CACNA2D3: variants seen among roughly 807,000 people sequenced by gnomAD.
CACNA2D3 encodes the protein calcium voltage-gated channel auxiliary subunit alpha2delta 3.
A neutral mutation model predicts 160.6 loss-of-function variants in CACNA2D3; 60 were observed. The ratio of observed to expected loss-of-function variants is 0.37; its 90% CI spans 0.30 to 0.46. The LOEUF is 0.46. Ranked by LOEUF, CACNA2D3 falls within the 20% of genes least tolerant of loss-of-function variation. The pLI, the probability that CACNA2D3 is intolerant of heterozygous loss-of-function variation, is 1.00. For missense variants in CACNA2D3, 1,205 were observed against 1,365.0 expected (o/e 0.88, Z 1.85); for synonymous variants, 558 against 492.9 (o/e 1.13, Z -1.75).
At chr3:54,175,476 G>A (rs1234917415) in intron 2 of CACNA2D3, among the ~76,000 whole-genome samples, 1 of 152,014 alleles carries the variant, frequency 6.6e-6, no homozygotes, top group African/African-American at 2.4e-5. Context: ...AGCTGGGCAT[G>A]GTGGCGGGCG....
At chr3:54,662,589 T>C (rs1222244789) in intron 11 of CACNA2D3, among the ~76,000 whole-genome samples, 6 of 152,278 alleles carry the variant, frequency 3.9e-5, no homozygotes, top group Non-Finnish European at 8.8e-5. Context: ...ACCTTCTCCA[T>C]ATCCAAGCCC....
chr3:54,810,747 G>T (rs979506076), intron 13 of CACNA2D3, among the ~76,000 whole-genome samples: 10 of 152,114 alleles, frequency 6.6e-5, no homozygotes, highest in Non-Finnish European at 2.9e-5. Flanking sequence ...TTGAAAAAGG[G>T]TCCACTCAAG....
Position 54,918,357 on chromosome 3 carries a change from TCTTTTGGC to T in CACNA2D3, c.2449+18490_2449+18497del. On this transcript the variant is annotated intron_variant, in intron 27 of 37. Coordinates refer to ENST00000474759, the MANE Select transcript of CACNA2D3 (RefSeq NM_018398.3). The stretch of plus-strand genomic sequence containing the variant: ...CTTTTTTTTTTTTTTTTTTTTTTTG[TCTTTTGGC>T]AAAAGCAAAATCAGACTAACAGGAA... 4 of 412,602 alleles carry T rather than the reference TCTTTTGGC, an allele frequency of 9.7e-6. No individual in the cohort carries two copies. The South Asian group carries it at 2.8e-4, about 29-fold the overall frequency. 25.6% of individuals were successfully genotyped at this position (412,602 alleles called of 1,614,324 possible). A position where few individuals can be genotyped will look rare whatever the true frequency, so the allele number is the denominator to read the frequency against.
chr3:54,695,370 GT>G (rs200425063), intron 11 of CACNA2D3, among the ~76,000 whole-genome samples: 56 of 146,244 alleles, frequency 3.8e-4, no homozygotes, highest in African/African-American at 1.2e-3. Flanking sequence ...TTCAAGTTTA[GT>G]TTTTTTTTTC....
At chr3:54,946,152 C>G (rs193177734) in intron 27 of CACNA2D3, among the ~76,000 whole-genome samples, 1 of 152,302 alleles carries the variant, frequency 6.6e-6, no homozygotes, top group East Asian at 1.9e-4. Flanking sequence ...TGGAATTCCA[C>G]CTCAGTGTCT....
chr3:54,279,341 G>C (rs1440677070), intron 2 of CACNA2D3, among the ~76,000 whole-genome samples: 1 of 152,194 alleles, frequency 6.6e-6, no homozygotes, highest in East Asian at 1.9e-4. Context: ...CCTTCACTGT[G>C]TGTGTGGGAG....
rs190710458 is a variant in CACNA2D3 at position 54,850,430 on chromosome 3, A to G, written c.1626+3963A>G. On this transcript the variant is annotated intron_variant, in intron 17 of 37. Transcript: ENST00000474759. Reference sequence around the variant, plus strand: ...TTGTTTGATCGTTACCACTTGTTAAACATTGAAGTATAGCTACAGACTAGA... The same window carrying G: ...TTGTTTGATCGTTACCACTTGTTAAGCATTGAAGTATAGCTACAGACTAGA... Among the ~76,000 whole-genome samples, 27 of 152,314 alleles carry G rather than the reference A, an allele frequency of 1.8e-4. 1 individual carries two copies. The highest frequency in any genetic ancestry group is 4.8e-4 in the African/African-American group (20 of 41,566).
chr3:54,851,540 G>C (rs951958327), intron 17 of CACNA2D3, among the ~76,000 whole-genome samples: 4 of 152,196 alleles, frequency 2.6e-5, no homozygotes, highest in Non-Finnish European at 5.9e-5. Context: ...GAAATGGGAG[G>C]CAGAGTGGTT....
In CACNA2D3 at chr3:54,502,122, A is replaced by G. The variant is rs149341072; in HGVS notation, c.382-1370A>G. Among the ~76,000 whole-genome samples the G allele has an allele frequency of 3.7e-3, 562 of 151,862 alleles. 5 individuals are homozygous for G. The highest frequency in any genetic ancestry group is 6.8e-3 in the Middle Eastern group (2 of 292). On this transcript the variant is annotated intron_variant, in intron 4 of 37. Transcript: ENST00000474759. ...ATATGTGTAGATGTAAATCTTCGTAATATTCATTGTGTTCAGTGTTCTCTC... is the reference window on the plus strand; with the variant it reads ...ATATGTGTAGATGTAAATCTTCGTAGTATTCATTGTGTTCAGTGTTCTCTC...
intron 5 of CACNA2D3, among the ~76,000 whole-genome samples, chr3:54,504,359 C>T (rs1034173696): frequency 6.6e-6 from 1 of 152,128 alleles, no homozygotes; most frequent in Admixed American, 6.5e-5. Context: ...TCTGGTCAGA[C>T]CGTGTTCTAC....
chr3:55,062,730 T>C (rs371208505), intron 35 of CACNA2D3, among the ~76,000 whole-genome samples: 1 of 152,228 alleles, frequency 6.6e-6, no homozygotes. Context: ...TTGTTTTGTT[T>C]ATGGCTTCTT....
At chr3:54,809,260 C>T in intron 13 of CACNA2D3, among the ~76,000 whole-genome samples, 1 of 143,954 alleles carries the variant, frequency 6.9e-6, no homozygotes, top group Non-Finnish European at 1.5e-5. Flanking sequence ...TCCTTTCTTC[C>T]TTCCTTCCTT....
At chr3:54,244,518 G>T (rs1257069644) in intron 2 of CACNA2D3, among the ~76,000 whole-genome samples, 1 of 152,202 alleles carries the variant, frequency 6.6e-6, no homozygotes, top group East Asian at 1.9e-4. Flanking sequence ...AGGAGCCAGG[G>T]TTCCCACTGT....
chr3:54,280,038 A>G (rs2107461386), intron 2 of CACNA2D3, among the ~76,000 whole-genome samples: 1 of 152,056 alleles, frequency 6.6e-6, no homozygotes, highest in Admixed American at 6.5e-5. Flanking sequence ...AAGTGAAACC[A>G]ACAAAGATGA....
intron 9 of CACNA2D3, among the ~76,000 whole-genome samples, chr3:54,609,727 G>T (rs946521967): frequency 3.9e-5 from 6 of 152,158 alleles, no homozygotes; most frequent in Non-Finnish European, 8.8e-5. Context: ...TAAAATGCTT[G>T]TGTATATTGT....
chr3:54,351,011 CAG>C (rs1297673803), intron 3 of CACNA2D3, among the ~76,000 whole-genome samples: 1 of 69,710 alleles, frequency 1.4e-5, no homozygotes, highest in East Asian at 4.1e-4. Context: ...TTTTTTGAGA[CAG>C]AGTCTCACTG....
At chr3:54,812,396 C>G (rs915571439) in intron 13 of CACNA2D3, among the ~76,000 whole-genome samples, 18 of 152,332 alleles carry the variant, frequency 1.2e-4, no homozygotes, top group African/African-American at 3.8e-4. Context: ...CTTTGAGACA[C>G]AGACAACTGA....
At chr3:54,131,863 A>C (rs920349371) in intron 2 of CACNA2D3, among the ~76,000 whole-genome samples, 2 of 152,186 alleles carry the variant, frequency 1.3e-5, no homozygotes, top group African/African-American at 4.8e-5. Context: ...ATTGTGCTAT[A>C]ATTTGCGAAG....
At chr3:54,671,695 A>G (rs1371379597) in intron 11 of CACNA2D3, among the ~76,000 whole-genome samples, 1 of 152,148 alleles carries the variant, frequency 6.6e-6, no homozygotes, top group Admixed American at 6.6e-5. Context: ...TCCCAGCAGA[A>G]TTATGCAATA....
Sources: allele counts gnomAD v4.1 joint callset (sites outside exome capture counted in the v4.1 genomes callset), GRCh38; gene constraint gnomAD v4.1.1; transcripts MANE v1.5; gene names NCBI Gene and HGNC (gene_info 2026-07-23, HGNC 2026-07-21).